Variants in CDKAL1 observed in about 807,000 individuals in gnomAD.
The protein encoded by CDKAL1 is threonylcarbamoyladenosine tRNA methylthiotransferase.
CDKAL1 carries 32 observed loss-of-function variants against 68.2 expected under a neutral mutation model. That is an observed-to-expected ratio of 0.47 (90% confidence interval 0.35 to 0.63). The LOEUF is 0.63. Ranked by LOEUF, CDKAL1 falls within the 30% of genes least tolerant of loss-of-function variation. The pLI is 0.00. For synonymous variants in CDKAL1, 234 were observed against 244.3 expected (o/e 0.96, Z 0.39); for missense variants, 606 against 696.7 (o/e 0.87, Z 1.47).
At chr6:20,707,371 T>C (rs1771649362) in intron 5 of CDKAL1, among the ~76,000 whole-genome samples, 1 of 152,248 alleles carries the variant, frequency 6.6e-6, no homozygotes, top group African/African-American at 2.4e-5. Context: ...ACAAATCCTT[T>C]TAAAAGTTAT....
chr6:20,589,388 T>C (rs1765501689), intron 4 of CDKAL1, among the ~76,000 whole-genome samples: 1 of 152,224 alleles, frequency 6.6e-6, no homozygotes, highest in Non-Finnish European at 1.5e-5. Context: ...GAGAAGAAAG[T>C]GTCAGATTGC....
intron 4 of CDKAL1, among the ~76,000 whole-genome samples, chr6:20,570,850 T>G (rs72830623): frequency 0.053 from 8,059 of 152,232 alleles, 232 homozygotes; most frequent in Middle Eastern, 0.069. Context: ...AAGGGTAAAA[T>G]GTACCCTTAT....
chr6:21,147,515 C>T (rs1776237749), intron 13 of CDKAL1, among the ~76,000 whole-genome samples: 2 of 152,084 alleles, frequency 1.3e-5, no homozygotes. Context: ...GTCCATTGTC[C>T]ACTGTTAATT....
At chr6:20,804,022 TCAA>T (rs889940701) in intron 8 of CDKAL1, among the ~76,000 whole-genome samples, 1 of 152,192 alleles carries the variant, frequency 6.6e-6, no homozygotes, top group Non-Finnish European at 1.5e-5. Flanking sequence ...ATATCATTGG[TCAA>T]CAATTTTCCA....
chr6:20,972,614 T>C (rs1201342929), intron 10 of CDKAL1, among the ~76,000 whole-genome samples: 1 of 152,246 alleles, frequency 6.6e-6, no homozygotes, highest in Non-Finnish European at 1.5e-5. Flanking sequence ...TCTCTGTTAA[T>C]TCCCTCAGTT....
At chr6:20,669,187 A>C (rs1023658919) in intron 5 of CDKAL1, among the ~76,000 whole-genome samples, 3 of 152,176 alleles carry the variant, frequency 2.0e-5, no homozygotes, top group Admixed American at 2.0e-4. Flanking sequence ...ATTTCTCATC[A>C]TGCTCTCACC....
intron 4 of CDKAL1, among the ~76,000 whole-genome samples, chr6:20,593,662 GTCTC>G (rs912478054): frequency 3.6e-5 from 5 of 139,562 alleles, no homozygotes; most frequent in African/African-American, 8.0e-5. Context: ...AAGGTTATTT[GTCTC>G]TCTATCTCCT....
At chr6:20,927,439 G>A (rs965124898) in intron 9 of CDKAL1, among the ~76,000 whole-genome samples, 1 of 152,324 alleles carries the variant, frequency 6.6e-6, no homozygotes, top group South Asian at 2.1e-4. Flanking sequence ...AGCAAGAGCA[G>A]TGAAGAACGG....
intron 4 of CDKAL1, among the ~76,000 whole-genome samples, chr6:20,608,760 T>C (rs1766445690): frequency 6.6e-6 from 1 of 152,198 alleles, no homozygotes; most frequent in Non-Finnish European, 1.5e-5. Flanking sequence ...TTCGGCATCT[T>C]TCTCTACTCT....
intron 13 of CDKAL1, among the ~76,000 whole-genome samples, chr6:21,166,096 G>A (rs1313744833): frequency 6.6e-6 from 1 of 152,164 alleles, no homozygotes; most frequent in Non-Finnish European, 1.5e-5. Flanking sequence ...CATATATGAA[G>A]TACTCAGAAC....
In CDKAL1 at chr6:20,649,535, A is replaced by C. The variant is rs191340032; in HGVS notation, c.371+158A>C. 6.6e-5 allele frequency among the ~76,000 whole-genome samples: 10 copies of C among 152,322 alleles called. No individual in the cohort carries two copies. The East Asian group carries it at 1.2e-3, about 18-fold the overall frequency. ...ATACTATTTTGAATTTGTCTGATACAGAATGATGCTTTTTTTATTTTTTAT... is the reference window on the plus strand; with the variant it reads ...ATACTATTTTGAATTTGTCTGATACCGAATGATGCTTTTTTTATTTTTTAT... On this transcript the variant is annotated intron_variant, in intron 5 of 15. Coordinates refer to ENST00000274695, the MANE Select transcript of CDKAL1 (RefSeq NM_017774.3).
chr6:20,874,305 GTTTGT>G (rs998986247), intron 9 of CDKAL1, among the ~76,000 whole-genome samples: 19 of 102,276 alleles, frequency 1.9e-4, no homozygotes, highest in African/African-American at 6.0e-4. Context: ...TTGTTTGTTT[GTTTGT>G]TTTTTTTTTG....
At chr6:20,545,827 T>C (rs972570210) in intron 2 of CDKAL1, among the ~76,000 whole-genome samples, 3 of 152,210 alleles carry the variant, frequency 2.0e-5, no homozygotes, top group African/African-American at 7.2e-5. Flanking sequence ...CTTCTAAATA[T>C]TCAATATGCA....
chr6:20,951,915 C>T (rs1561910830), intron 9 of CDKAL1, among the ~76,000 whole-genome samples: 1 of 150,832 alleles, frequency 6.6e-6, no homozygotes, highest in Non-Finnish European at 1.5e-5. Context: ...GCATTCACTT[C>T]TCTTATCTTA....
intron 12 of CDKAL1, among the ~76,000 whole-genome samples, chr6:21,090,012 G>A (rs367584272): frequency 6.4e-4 from 97 of 152,234 alleles, no homozygotes; most frequent in African/African-American, 2.1e-3. Flanking sequence ...GCAGTGTTAG[G>A]GTTATCCTCA....
intron 11 of CDKAL1, among the ~76,000 whole-genome samples, chr6:21,058,330 G>A (rs1300546956): frequency 6.6e-6 from 1 of 152,090 alleles, no homozygotes; most frequent in Non-Finnish European, 1.5e-5. Flanking sequence ...AACTAGGATT[G>A]CAGTCCTTGC....
intron 5 of CDKAL1, among the ~76,000 whole-genome samples, chr6:20,675,503 G>A (rs1770047206): frequency 6.6e-6 from 1 of 152,134 alleles, no homozygotes; most frequent in Non-Finnish European, 1.5e-5. Context: ...GTCAGTGATG[G>A]ACTGCATATA....
intron 9 of CDKAL1, among the ~76,000 whole-genome samples, chr6:20,860,271 G>C (rs1330514581): frequency 6.6e-6 from 1 of 151,940 alleles, no homozygotes; most frequent in East Asian, 1.9e-4. Context: ...TAGTGATGGG[G>C]TTTCACCATG....
intron 13 of CDKAL1, among the ~76,000 whole-genome samples, chr6:21,183,413 C>T (rs1430109454): frequency 3.3e-5 from 5 of 152,110 alleles, no homozygotes; most frequent in Non-Finnish European, 5.9e-5. Context: ...CACCTTTTTG[C>T]TTTTTTAGCA....
Sources: allele counts gnomAD v4.1 joint callset (sites outside exome capture counted in the v4.1 genomes callset), GRCh38; gene constraint gnomAD v4.1.1; transcripts MANE v1.5; gene names NCBI Gene and HGNC (gene_info 2026-07-23, HGNC 2026-07-21).